The following ARHGAP18 variants were observed in gnomAD, a reference collection of about 807,000 sequenced individuals.
ARHGAP18 encodes rho GTPase-activating protein 18.
ARHGAP18 carries 67 observed loss-of-function variants against 86.2 expected under a neutral mutation model. The ratio of observed to expected loss-of-function variants is 0.78; its 90% confidence interval spans 0.64 to 0.95. The LOEUF is 0.95. Ranked by LOEUF, ARHGAP18 falls within the 40% of genes least tolerant of loss-of-function variation. The probability of loss-of-function intolerance (pLI) is 0.00; values close to 1 mark genes in which losing one functional copy is unlikely to be tolerated. For synonymous variants in ARHGAP18, 283 were observed against 280.4 expected (o/e 1.01, Z -0.09); for missense variants, 691 against 780.4 (o/e 0.89, Z 1.37).
chr6:129,677,392 C>CA (rs112446982), intron 1 of ARHGAP18, among the ~76,000 whole-genome samples: 2,031 of 139,226 alleles, frequency 0.015, 44 homozygotes, highest in African/African-American at 0.043. Flanking sequence ...GACTCCGTCT[C>CA]AAAAAAAAAA....
At chr6:129,601,530 AGAG>A (rs960061479) in intron 10 of ARHGAP18, among the ~76,000 whole-genome samples, 2 of 151,322 alleles carry the variant, frequency 1.3e-5, no homozygotes, top group Non-Finnish European at 3.0e-5. Context: ...AAGAGAGAAA[AGAG>A]AGAAGAAAAG....
chr6:129,614,626 C>T (rs1223714599), intron 7 of ARHGAP18, among the ~76,000 whole-genome samples: 3 of 152,192 alleles, frequency 2.0e-5, no homozygotes, highest in Non-Finnish European at 4.4e-5. Flanking sequence ...ATCACTGAAC[C>T]TCCACAGAAA....
chr6:129,649,809 T>C (rs1430976912), intron 1 of ARHGAP18, among the ~76,000 whole-genome samples: 1 of 152,104 alleles, frequency 6.6e-6, no homozygotes. Flanking sequence ...AACTTGGCTT[T>C]ATCACTTCTA....
At position 129,660,954 on chromosome 6, in the gene ARHGAP18, A is replaced by T. The variant is rs149751667; in HGVS notation, c.114-18936T>A. ...AAGGTCTACAATGACTTTCTTGTTA[A>T]GTACATTAAAAACGGAACCAAGAAG... On this transcript the variant is annotated intron_variant, in intron 1 of 14. Coordinates refer to ENST00000368149, the MANE Select transcript of ARHGAP18 (RefSeq NM_033515.3). Among the ~76,000 whole-genome samples the T allele has an allele frequency of 1.3e-3, 194 of 151,974 alleles. 2 individuals carry two copies. Among genetic ancestry groups the T allele is most frequent in the African/African-American group, 4.4e-3 (184 of 41,448 alleles).
intron 6 of ARHGAP18, among the ~76,000 whole-genome samples, chr6:129,616,676 A>C (rs1041776235): frequency 6.6e-6 from 1 of 152,228 alleles, no homozygotes; most frequent in Non-Finnish European, 1.5e-5. Flanking sequence ...GGCCAGGTGC[A>C]GTGGCTTATG....
At position 129,639,716 on chromosome 6, in the gene ARHGAP18, C is replaced by T. The variant is rs142051730; in HGVS notation, c.317-1087G>A. ...ATAAGCCAGTGCTAGGCACTGTGCA[C>T]ACCAGACAACAAAAACAGTTTACTA... On this transcript the variant is annotated intron_variant, in intron 2 of 14. Coordinates refer to ENST00000368149, the MANE Select transcript of ARHGAP18 (RefSeq NM_033515.3). Among the ~76,000 whole-genome samples, 963 of 152,236 alleles carry T rather than the reference C, an allele frequency of 6.3e-3. 15 individuals are homozygous for T. Among genetic ancestry groups the T allele is most frequent in the African/African-American group, 0.022 (905 of 41,540 alleles).
At chr6:129,634,295 C>T (rs1252905590) in intron 3 of ARHGAP18, among the ~76,000 whole-genome samples, 190 bp from the exon 4 acceptor site, 1 of 152,052 alleles carries the variant, frequency 6.6e-6, no homozygotes, top group Non-Finnish European at 1.5e-5. Context: ...TTACCTACAA[C>T]TTGTAAGAGA....
At chr6:129,637,822 C>A (rs1241188007) in intron 3 of ARHGAP18, among the ~76,000 whole-genome samples, 4 of 152,180 alleles carry the variant, frequency 2.6e-5, no homozygotes, top group Non-Finnish European at 4.4e-5. Flanking sequence ...ATTCTGGGGG[C>A]TGCCCAATTT....
At chr6:129,647,868 A>G (rs754581740) in intron 1 of ARHGAP18, among the ~76,000 whole-genome samples, 13 of 152,244 alleles carry the variant, frequency 8.5e-5, no homozygotes, top group Non-Finnish European at 1.8e-4. Context: ...ATCTTCCCCA[A>G]TTTTACCCAG....
At chr6:129,604,255 G>A (rs980673392) in intron 10 of ARHGAP18, among the ~76,000 whole-genome samples, 1 of 148,644 alleles carries the variant, frequency 6.7e-6, no homozygotes, top group Non-Finnish European at 1.5e-5. Flanking sequence ...TACACAAAAT[G>A]TAAGAACTAT....
rs570587627 is a variant in ARHGAP18, at chr6:129,581,860, C to T, written c.1839-1729G>A. On this transcript the variant is annotated intron_variant, in intron 13 of 14. Coordinates refer to ENST00000368149, the MANE Select transcript of ARHGAP18 (RefSeq NM_033515.3). ...TGGAAGAAATATATAAACATTTACT[C>T]AGAATTTCACTTACTATGCGGCCCA... Among the ~76,000 whole-genome samples the T allele has an allele frequency of 5.9e-5, 9 of 152,184 alleles. No individual in the cohort carries two copies. In the South Asian group the frequency reaches 1.9e-3, roughly 32 times the overall value.
At chr6:129,692,777 G>A (rs1037992277) in intron 1 of ARHGAP18, among the ~76,000 whole-genome samples, 2 of 152,152 alleles carry the variant, frequency 1.3e-5, no homozygotes, top group Admixed American at 6.5e-5. Flanking sequence ...GGCTTCCTGA[G>A]AACTTTCAAA....
At chr6:129,660,409 G>C (rs1042948361) in intron 1 of ARHGAP18, among the ~76,000 whole-genome samples, 3 of 152,132 alleles carry the variant, frequency 2.0e-5, no homozygotes, top group Non-Finnish European at 4.4e-5. Flanking sequence ...AGTAGATGAA[G>C]GAAACAGAAG....
Position 129,634,084 on chromosome 6 carries a change from G to C in ARHGAP18, c.574C>G (p.Gln192Glu). Residue 192 changes from glutamine (Q) to glutamate (E), a missense_variant, in exon 4 of 15, where the codon CAG becomes GAG. Coordinates refer to ENST00000368149, the MANE Select transcript of ARHGAP18 (RefSeq NM_033515.3). ...KETAPGGTES[Q>E]SLRTNENKYQ... ...TTGTTTTCATTTGTTCTAAGTGACT[G>C]CGATTCAGTGCCACCTGGAGCCTAA... is the stretch of plus-strand genomic sequence containing the variant. The C allele has an allele frequency of 6.2e-7, 1 of 1,613,172 alleles. No individual in the cohort carries two copies. Among genetic ancestry groups the C allele is most frequent in the Non-Finnish European group, 8.5e-7 (1 of 1,179,792 alleles).
At chr6:129,679,912 G>C (rs1334970812) in intron 1 of ARHGAP18, among the ~76,000 whole-genome samples, 1 of 152,176 alleles carries the variant, frequency 6.6e-6, no homozygotes, top group Non-Finnish European at 1.5e-5. Context: ...GAAGCCTCTA[G>C]GGATCCAGTC....
At chr6:129,683,615 A>T (rs181325029) in intron 1 of ARHGAP18, among the ~76,000 whole-genome samples, 1 of 152,362 alleles carries the variant, frequency 6.6e-6, no homozygotes, top group African/African-American at 2.4e-5. Flanking sequence ...GAATGATAAC[A>T]AGTCAGAGAA....
intron 4 of ARHGAP18, among the ~76,000 whole-genome samples, chr6:129,632,457 C>G (rs1773238109): frequency 6.6e-6 from 1 of 152,110 alleles, no homozygotes; most frequent in Non-Finnish European, 1.5e-5. Flanking sequence ...GAGGAAAACA[C>G]CAAGAAAAGG....
intron 10 of ARHGAP18, among the ~76,000 whole-genome samples, chr6:129,605,416 C>T (rs921691991): frequency 6.6e-6 from 1 of 152,066 alleles, no homozygotes; most frequent in African/African-American, 2.4e-5. Context: ...CATTATGACT[C>T]ACTTCAAAAT....
At chr6:129,658,378 A>G (rs570984793) in intron 1 of ARHGAP18, among the ~76,000 whole-genome samples, 1 of 151,702 alleles carries the variant, frequency 6.6e-6, no homozygotes, top group Non-Finnish European at 1.5e-5. Context: ...GAATTTTATG[A>G]TTACAAAAAA....
Sources: gnomAD v4.1 joint callset for allele counts (sites outside exome capture counted in the v4.1 genomes callset) on GRCh38, gnomAD v4.1.1 for gene constraint, MANE v1.5 for transcripts, NCBI Gene and HGNC (gene_info 2026-07-23, HGNC 2026-07-21) for gene names.